RPS6KC1: variants seen among roughly 807,000 people sequenced by gnomAD.
The protein encoded by RPS6KC1 is ribosomal protein S6 kinase C1.
Under a neutral mutation model 103.8 loss-of-function variants are expected in RPS6KC1, and 54 were observed. The ratio of observed to expected loss-of-function variants is 0.52; its 90% CI spans 0.42 to 0.65. RPS6KC1 has a LOEUF of 0.65. RPS6KC1 is among the 30% of genes least tolerant of loss of function. RPS6KC1 has a pLI of 0.00. For synonymous variants in RPS6KC1, 439 were observed against 438.7 expected (o/e 1.00, Z -0.01); for missense variants, 1,151 against 1,253.8 (o/e 0.92, Z 1.24).
At chr1:213,236,853 A>G (rs1317769274) in intron 10 of RPS6KC1, among the ~76,000 whole-genome samples, 2 of 152,144 alleles carry the variant, frequency 1.3e-5, no homozygotes, top group East Asian at 3.8e-4. Context: ...CCCAAGGAGT[A>G]AAATGATTCT....
At chr1:213,298,338 A>G in the RPS6KC1 span, among the ~76,000 whole-genome samples, 430 of 152,326 alleles carry the variant, frequency 2.8e-3, 3 homozygotes, top group African/African-American at 9.5e-3. Flanking sequence ...TTTAAAGGCA[A>G]TTATCTTGGA....
chr1:213,851,882 C>T, the RPS6KC1 span, among the ~76,000 whole-genome samples: 11 of 152,202 alleles, frequency 7.2e-5, no homozygotes, highest in Non-Finnish European at 1.6e-4. Flanking sequence ...CCTGTCTTCG[C>T]TCCTTGAGTT....
the RPS6KC1 span, among the ~76,000 whole-genome samples, chr1:213,575,147 A>T: frequency 6.6e-6 from 1 of 152,112 alleles, no homozygotes; most frequent in Non-Finnish European, 1.5e-5. Context: ...TAAGATGTGG[A>T]TGATACTAGT....
chr1:213,575,503 A>C, the RPS6KC1 span, among the ~76,000 whole-genome samples: 2 of 152,230 alleles, frequency 1.3e-5, no homozygotes, highest in Admixed American at 6.5e-5. Context: ...AGTTCTCTTG[A>C]GATCTGATGG....
the RPS6KC1 span, among the ~76,000 whole-genome samples, chr1:213,354,413 A>C: frequency 1.8e-4 from 28 of 152,288 alleles, no homozygotes; most frequent in African/African-American, 5.5e-4. Flanking sequence ...ACCTGCCCTG[A>C]CCTGGGAAAA....
chr1:213,343,756 A>G, the RPS6KC1 span, among the ~76,000 whole-genome samples: 1 of 152,102 alleles, frequency 6.6e-6, no homozygotes, highest in South Asian at 2.1e-4. Context: ...GAACTTCTTC[A>G]TGTAACCAAA....
intron 8 of RPS6KC1, among the ~76,000 whole-genome samples, chr1:213,199,333 TC>T (rs1200477001): frequency 6.6e-6 from 1 of 152,164 alleles, no homozygotes; most frequent in East Asian, 1.9e-4. Flanking sequence ...TAAGGTTGGT[TC>T]AACATATGCA....
the RPS6KC1 span, among the ~76,000 whole-genome samples, chr1:213,723,503 CTCT>C: frequency 6.6e-6 from 1 of 152,122 alleles, no homozygotes; most frequent in South Asian, 2.1e-4. Flanking sequence ...GTTTCCTAAT[CTCT>C]TCTTCTTGTA....
At chr1:213,580,607 G>T in the RPS6KC1 span, among the ~76,000 whole-genome samples, 1 of 151,714 alleles carries the variant, frequency 6.6e-6, no homozygotes, top group Non-Finnish European at 1.5e-5. Context: ...GTCGATTGAT[G>T]TGGCAAATTT....
At chr1:213,627,978 G>A in the RPS6KC1 span, among the ~76,000 whole-genome samples, 1 of 152,172 alleles carries the variant, frequency 6.6e-6, no homozygotes, top group Non-Finnish European at 1.5e-5. Flanking sequence ...CTACTGATTG[G>A]AATAGTTTCA....
chr1:213,744,326 T>C, the RPS6KC1 span, among the ~76,000 whole-genome samples: 1 of 152,144 alleles, frequency 6.6e-6, no homozygotes, highest in Non-Finnish European at 1.5e-5. Context: ...AAAAAACCTC[T>C]ATCAGCCTCT....
At chr1:213,849,504 T>G in the RPS6KC1 span, among the ~76,000 whole-genome samples, 1 of 152,236 alleles carries the variant, frequency 6.6e-6, no homozygotes, top group Non-Finnish European at 1.5e-5. Flanking sequence ...TACCTATGAA[T>G]GTACAAATGT....
chr1:213,801,540 GA>G, the RPS6KC1 span, among the ~76,000 whole-genome samples: 1 of 152,092 alleles, frequency 6.6e-6, no homozygotes, highest in African/African-American at 2.4e-5. Flanking sequence ...TAAAGGAAAA[GA>G]AAATGAGACG....
the RPS6KC1 span, among the ~76,000 whole-genome samples, chr1:213,450,115 TGCC>T: frequency 6.6e-6 from 1 of 152,164 alleles, no homozygotes; most frequent in African/African-American, 2.4e-5. Context: ...ATGAGGTGGT[TGCC>T]AGGATTAACT....
intron 7 of RPS6KC1, among the ~76,000 whole-genome samples, chr1:213,174,151 T>C (rs1405167614): frequency 1.3e-5 from 2 of 152,324 alleles, no homozygotes; most frequent in Non-Finnish European, 2.9e-5. Flanking sequence ...AAAGAATTTT[T>C]AATTTTCAGA....
At chr1:213,729,263 C>T in the RPS6KC1 span, among the ~76,000 whole-genome samples, 2 of 152,022 alleles carry the variant, frequency 1.3e-5, no homozygotes, top group African/African-American at 2.4e-5. Flanking sequence ...TCATCCACAT[C>T]CTCGGGTTTG....
chr1:213,187,856 A>G (rs972262899), intron 8 of RPS6KC1, among the ~76,000 whole-genome samples: 3 of 151,422 alleles, frequency 2.0e-5, no homozygotes, highest in African/African-American at 7.3e-5. Context: ...TTTCTACTGG[A>G]TATATTTGCT....
chr1:213,186,005 A>G (rs1459247763), intron 8 of RPS6KC1, among the ~76,000 whole-genome samples: 1 of 151,838 alleles, frequency 6.6e-6, no homozygotes, highest in Non-Finnish European at 1.5e-5. Context: ...AAACTACACA[A>G]AAATAATCTG....
At chr1:213,159,522 T>C (rs1430950624) in intron 6 of RPS6KC1, among the ~76,000 whole-genome samples, 1 of 152,244 alleles carries the variant, frequency 6.6e-6, no homozygotes, top group Non-Finnish European at 1.5e-5. Context: ...TAATTACAGT[T>C]GACGAAGCAT....
Sources: allele counts gnomAD v4.1 joint callset (sites outside exome capture counted in the v4.1 genomes callset), GRCh38; gene constraint gnomAD v4.1.1; transcripts MANE v1.5; gene names NCBI Gene and HGNC (gene_info 2026-07-23, HGNC 2026-07-21).